The following RPRD2 variants were observed in gnomAD, a reference collection of about 807,000 sequenced individuals.
RPRD2 encodes the protein regulation of nuclear pre-mRNA domain containing 2, also known as regulation of nuclear pre-mRNA domain-containing protein 2.
In RPRD2, 12 loss-of-function variants were observed where a neutral mutation model predicts 104.4. That is an observed-to-expected ratio of 0.11 (90% CI 0.07 to 0.19). RPRD2 has a LOEUF of 0.19. Among genes scored for constraint, RPRD2 ranks in the 10% least tolerant of loss-of-function variants. The pLI is 1.00. For missense variants in RPRD2, 1,543 were observed against 1,790.1 expected, an observed-to-expected ratio of 0.86 and a Z score of 2.49; for synonymous variants, 714 against 684.9, an observed-to-expected ratio of 1.04 and a Z score of -0.66.
chr1:150,371,754 G>T (rs895863101), intron 1 of RPRD2, among the ~76,000 whole-genome samples: 48 of 152,212 alleles, frequency 3.2e-4, no homozygotes, highest in African/African-American at 1.0e-3. Context: ...AGGCATTCTT[G>T]ATCTACAGTA....
chr1:150,428,579 G>A (rs375352737), intron 2 of RPRD2, among the ~76,000 whole-genome samples: 1 of 151,128 alleles, frequency 6.6e-6, no homozygotes, highest in African/African-American at 2.4e-5. Context: ...TCCCTGTCTC[G>A]AGCTATTCTC....
chr1:150,417,547 G>A (rs782147989), intron 1 of RPRD2, 49 bp from the exon 2 acceptor site: 4 of 1,423,190 alleles, frequency 2.8e-6, no homozygotes, highest in Admixed American at 2.3e-5. Context: ...GTTGAACTAA[G>A]TGCAAATTGA....
chr1:150,417,651 C>T lies in RPRD2; in HGVS notation c.261C>T (p.Asn87=). 1 of 1,608,252 alleles carries T rather than the reference C, an allele frequency of 6.2e-7. No individual in the cohort carries two copies. The highest frequency in any genetic ancestry group is 8.5e-7 in the Non-Finnish European group (1 of 1,176,086). ...LFYLANDVIQ[N]CKRKNAIIFR... ...ACCTTGCCAATGATGTCATACAGAACTGTAAAAGGAAAAATGCAATCATAT... is the reference window on the plus strand; with the variant it reads ...ACCTTGCCAATGATGTCATACAGAATTGTAAAAGGAAAAATGCAATCATAT... Residue 87 remains asparagine, a synonymous_variant, in exon 2 of 11, where the codon AAC becomes AAT. Transcript: ENST00000369068.
intron 10 of RPRD2, among the ~76,000 whole-genome samples, chr1:150,467,625 C>T (rs587635436): frequency 2.6e-5 from 4 of 152,138 alleles, no homozygotes; most frequent in East Asian, 1.9e-4. Context: ...CCACCTGCCT[C>T]GACCTCCCAA....
At chr1:150,452,069 G>A (rs968257098) in intron 7 of RPRD2, among the ~76,000 whole-genome samples, 2 of 149,472 alleles carry the variant, frequency 1.3e-5, no homozygotes, top group East Asian at 3.9e-4. Context: ...CTGAACCCAG[G>A]AGGCAGAGGT....
rs368347414 is a variant in RPRD2 at position 150,470,876 on chromosome 1, C to G, written c.1928C>G (p.Pro643Arg). The G allele has an allele frequency of 6.2e-7, 1 of 1,614,032 alleles. No individual in the cohort carries two copies. ...ATHNTSPAAP[P>R]TEVTICQSSE... ...CACAATACTAGCCCTGCTGCCCCACCTACTGAAGTTACCATCTGCCAATCT... is the reference window on the plus strand; with the variant it reads ...CACAATACTAGCCCTGCTGCCCCACGTACTGAAGTTACCATCTGCCAATCT... The change falls in exon 11 of 11, where the codon CCT becomes CGT. Residue 643 changes from proline to arginine, a missense_variant. By Grantham distance (103) the Pro-to-Arg change is moderately radical. Around this residue, in one of 4 missense-constraint regions of RPRD2, gnomAD observed 572 missense variants for 787.3 expected, o/e 0.73. Coordinates refer to ENST00000369068, the MANE Select transcript of RPRD2 (RefSeq NM_015203.5).
chr1:150,443,318 T>C (rs782497891), intron 5 of RPRD2, 35 bp downstream of exon 5: 2 of 1,380,506 alleles, frequency 1.4e-6, no homozygotes, highest in Non-Finnish European at 1.0e-6. Context: ...TAGCAAAGTA[T>C]TATTCACCCC....
At chr1:150,446,513 A>G in intron 7 of RPRD2, 112 bp downstream of exon 7, 1 of 939,962 alleles carries the variant, frequency 1.1e-6, no homozygotes, top group Non-Finnish European at 1.5e-6. Context: ...TCCTTATCGC[A>G]GATGAAATTA....
At chr1:150,447,390 A>C (rs955260308) in intron 7 of RPRD2, among the ~76,000 whole-genome samples, 1 of 148,588 alleles carries the variant, frequency 6.7e-6, no homozygotes, top group Non-Finnish European at 1.5e-5. Flanking sequence ...GCTGGAGTGT[A>C]ATGGCGTGAT....
intron 1 of RPRD2, among the ~76,000 whole-genome samples, chr1:150,367,040 T>C (rs12121966): frequency 0.22 from 33,795 of 152,044 alleles, 4,284 homozygotes; most frequent in African/African-American, 0.32. Flanking sequence ...TTTATTGATA[T>C]CTTAAGAGTG....
At chr1:150,455,258 C>A (rs587771668) in intron 7 of RPRD2, among the ~76,000 whole-genome samples, 25 of 152,302 alleles carry the variant, frequency 1.6e-4, no homozygotes, top group African/African-American at 6.0e-4. Flanking sequence ...AATCCCAGCA[C>A]TTTGGGAAGC....
At chr1:150,397,653 A>G (rs1662633191) in intron 1 of RPRD2, among the ~76,000 whole-genome samples, 1 of 152,190 alleles carries the variant, frequency 6.6e-6, no homozygotes, top group Non-Finnish European at 1.5e-5. Context: ...TTGTTGTTAA[A>G]TAGTATTCCA....
At chr1:150,403,437 C>G (rs1466387911) in intron 1 of RPRD2, among the ~76,000 whole-genome samples, 1 of 152,140 alleles carries the variant, frequency 6.6e-6, no homozygotes, top group Non-Finnish European at 1.5e-5. Context: ...ATTCCCCAGC[C>G]CCTGGCAACC....
chr1:150,407,762 ATGT>A (rs1330305870), intron 1 of RPRD2, among the ~76,000 whole-genome samples: 2 of 152,168 alleles, frequency 1.3e-5, no homozygotes, highest in South Asian at 2.1e-4. Flanking sequence ...TTGAAAAAAG[ATGT>A]TGTTTTCTTC....
intron 5 of RPRD2, 129 bp downstream of exon 5, chr1:150,443,412 G>C: frequency 1.7e-6 from 1 of 604,282 alleles, no homozygotes; most frequent in Non-Finnish European, 2.7e-6. Flanking sequence ...TGCATGAACT[G>C]TTCTAAAGGA....
At chr1:150,416,069 A>G (rs1244117322) in intron 1 of RPRD2, among the ~76,000 whole-genome samples, 1 of 152,172 alleles carries the variant, frequency 6.6e-6, no homozygotes, top group Non-Finnish European at 1.5e-5. Context: ...GGAGACTTTT[A>G]ATTCGTATGA....
intron 1 of RPRD2, among the ~76,000 whole-genome samples, chr1:150,397,499 G>A (rs1266717519): frequency 3.3e-5 from 5 of 151,918 alleles, no homozygotes; most frequent in South Asian, 2.1e-4. Context: ...AACCCCTTTC[G>A]TCTGTGACCC....
intron 10 of RPRD2, among the ~76,000 whole-genome samples, chr1:150,467,672 C>G (rs1553900279): frequency 1.3e-5 from 2 of 152,070 alleles, no homozygotes; most frequent in African/African-American, 2.4e-5. Context: ...CCGTGCCTGG[C>G]CGATGTGAAA....
intron 7 of RPRD2, among the ~76,000 whole-genome samples, chr1:150,449,174 C>T (rs1374116242): frequency 1.3e-5 from 2 of 152,150 alleles, no homozygotes; most frequent in South Asian, 2.1e-4. Context: ...TGCCCAACCC[C>T]GAATTGGCTA....
Sources: gnomAD v4.1 joint callset for allele counts (sites outside exome capture counted in the v4.1 genomes callset) on GRCh38, gnomAD v4.1.1 for gene constraint, gnomAD v4.1.1 regional missense constraint, MANE v1.5 for transcripts, NCBI Gene and HGNC (gene_info 2026-07-23, HGNC 2026-07-21) for gene names.